TJP3: variants seen among roughly 807,000 people sequenced by gnomAD.
The protein encoded by TJP3 is tight junction protein 3, also known as tight junction protein ZO-3.
A neutral mutation model predicts 104.2 loss-of-function variants in TJP3; 85 were observed. The observed-to-expected ratio is 0.82, with a 90% CI of 0.68 to 0.98. The LOEUF is 0.98. TJP3 is among the 50% of genes least tolerant of loss of function. The probability of loss-of-function intolerance (pLI) is 0.00; values close to 1 mark genes in which losing one functional copy is unlikely to be tolerated. For missense variants in TJP3, 1,367 were observed against 1,322.8 expected, an observed-to-expected ratio of 1.03 and a Z score of -0.52; for synonymous variants, 550 against 550.6, an observed-to-expected ratio of 1.00 and a Z score of 0.02.
At chr19:3,733,609 A>G in intron 6 of TJP3, 144 bp from the exon 7 acceptor site, 4 of 1,104,874 alleles carry the variant, frequency 3.6e-6, no homozygotes, top group Non-Finnish European at 5.3e-6. Flanking sequence ...CAGGAATCCA[A>G]TTCAACACTT....
chr19:3,716,039 G>T (rs958535043), intron 1 of TJP3, among the ~76,000 whole-genome samples: 2 of 149,446 alleles, frequency 1.3e-5, no homozygotes, highest in Non-Finnish European at 3.0e-5. Context: ...TCAGCCTCCC[G>T]AAGTGCTGGG....
intron 3 of TJP3, 71 bp downstream of exon 3, chr19:3,728,784 G>A (rs2036633459): frequency 6.6e-7 from 1 of 1,510,968 alleles, no homozygotes; most frequent in South Asian, 1.2e-5. Flanking sequence ...CAGGCACAGT[G>A]ACTCACACCC....
At chr19:3,709,420 C>G (rs1038663532) in intron 1 of TJP3, among the ~76,000 whole-genome samples, 2 of 152,098 alleles carry the variant, frequency 1.3e-5, no homozygotes, top group African/African-American at 2.4e-5. Context: ...TTTACTCCTC[C>G]GAGCAAAATC....
In TJP3 at chr19:3,741,979, CA is replaced by C. The variant is rs937963121; in HGVS notation, c.1843+1223del. The stretch of plus-strand genomic sequence containing the variant: ...GAGCAAAACTCCGTCTCAAAAAAAA[CA>C]AAAAAACAAAAAAATTTTGGGTTAT... On this transcript the variant is annotated intron_variant, in intron 14 of 20. Transcript: ENST00000541714. 2.6e-5 allele frequency among the ~76,000 whole-genome samples: 4 copies of C among 151,364 alleles called. No homozygotes were observed. In the East Asian group the frequency reaches 7.7e-4, roughly 29 times the overall value.
chr19:3,736,842 C>T (rs2036745543), intron 11 of TJP3, among the ~76,000 whole-genome samples: 2 of 149,550 alleles, frequency 1.3e-5, no homozygotes, highest in Admixed American at 1.3e-4. Context: ...TCCCAAGTAG[C>T]TGAGATTACA....
intron 1 of TJP3, 143 bp from the exon 2 acceptor site, chr19:3,728,281 G>A: frequency 1.6e-6 from 2 of 1,290,318 alleles, no homozygotes; most frequent in South Asian, 1.5e-5. Flanking sequence ...AAAAACCTGA[G>A]GCCCTGAGAG....
At chr19:3,743,193 G>A (rs567366089) in intron 14 of TJP3, among the ~76,000 whole-genome samples, 1 of 152,256 alleles carries the variant, frequency 6.6e-6, no homozygotes, top group Admixed American at 6.5e-5. Context: ...GAACCTGGAA[G>A]GTGAAGGTTG....
intron 2 of TJP3, 57 bp downstream of exon 2, chr19:3,728,537 T>A (rs144859096): frequency 0.033 from 52,176 of 1,597,854 alleles, 1,054 homozygotes; most frequent in Middle Eastern, 0.071. Flanking sequence ...TAGGCCCAGC[T>A]CAATAGAGGG....
intron 1 of TJP3, among the ~76,000 whole-genome samples, chr19:3,716,801 A>ATAT (rs1421328174): frequency 0.023 from 1,850 of 81,860 alleles, 68 homozygotes; most frequent in South Asian, 0.033. Context: ...ATATATATAT[A>ATAT]TTTTTTTTTT....
At chr19:3,747,675 C>A (rs1179354452) in intron 18 of TJP3, 119 bp from the exon 19 acceptor site, 26 of 1,247,218 alleles carry the variant, frequency 2.1e-5, no homozygotes, top group Non-Finnish European at 6.3e-6. Flanking sequence ...TCCACTGAGG[C>A]TCCAGGCTCC....
intron 19 of TJP3, among the ~76,000 whole-genome samples, chr19:3,749,092 C>T (rs370861114): frequency 4.0e-5 from 6 of 151,074 alleles, no homozygotes; most frequent in African/African-American, 7.3e-5. Flanking sequence ...GGCTGGTCTC[C>T]GATTCCTGAC....
chr19:3,738,430 C>T lies in TJP3; in HGVS notation c.1285-125C>T, dbSNP rs534998565. On this transcript the variant is annotated intron_variant, in intron 11 of 20. Coordinates refer to ENST00000541714, the MANE Select transcript of TJP3 (RefSeq NM_001267560.2). ...AGTCGGAAAGCCCTCGGGGAACTGC[C>T]GGGTCCCTTGGCAGCAGCTCTGGAA... The T allele has an allele frequency of 5.8e-4, 444 of 769,836 alleles. 2 individuals carry two copies. Among genetic ancestry groups the T allele is most frequent in the African/African-American group, 5.5e-3 (321 of 58,080 alleles). 47.7% of individuals were successfully genotyped at this position (769,836 alleles called of 1,614,324 possible).
At chr19:3,735,439 T>C (rs2036725906) in intron 8 of TJP3, 127 bp from the exon 9 acceptor site, 13 of 864,344 alleles carry the variant, frequency 1.5e-5, no homozygotes, top group Non-Finnish European at 3.8e-6. Flanking sequence ...CCTCAGGTGA[T>C]CTGCCCACCT....
intron 6 of TJP3, among the ~76,000 whole-genome samples, chr19:3,733,461 C>G (rs1347935797): frequency 6.6e-6 from 1 of 152,220 alleles, no homozygotes; most frequent in Admixed American, 6.5e-5. Context: ...TTCCTAGTAT[C>G]CCCTGAGACA....
rs756049411 is a variant in TJP3, at chr19:3,730,785, A to AT, written c.613+81dup. 73 of 1,430,844 alleles carry AT rather than the reference A, an allele frequency of 5.1e-5. No individual in the cohort carries two copies. The highest frequency in any genetic ancestry group is 6.5e-5 in the Non-Finnish European group (70 of 1,074,000). 88.6% of individuals were successfully genotyped at this position (1,430,844 alleles called of 1,614,324 possible). ...GTCGGATGGGCGACGGTTTCAAGTG[A>AT]TTCTCCTGCCTCAGCCTCCCTGGTG... On this transcript the variant is annotated intron_variant, in intron 5 of 20. Coordinates refer to ENST00000541714, the MANE Select transcript of TJP3 (RefSeq NM_001267560.2). The surrounding 1 kb of genome is among the most constrained non-coding windows in gnomAD (Gnocchi z 7.3).
intron 11 of TJP3, among the ~76,000 whole-genome samples, 190 bp downstream of exon 11, chr19:3,736,511 G>C (rs1274526353): frequency 1.3e-5 from 2 of 152,142 alleles, no homozygotes; most frequent in African/African-American, 2.4e-5. Context: ...TATCTTCCAG[G>C]TCATGACCTC....
chr19:3,715,520 G>A (rs988691044), intron 1 of TJP3, among the ~76,000 whole-genome samples: 3 of 152,160 alleles, frequency 2.0e-5, no homozygotes, highest in African/African-American at 4.8e-5. Flanking sequence ...GGGAGCCATC[G>A]AGTGTTCTTG....
chr19:3,747,932 G>T lies in TJP3; in HGVS notation c.2461G>T (p.Gly821Cys). ...GGGCGGCGCGTACACGGATGGCGAG[G>T]GCTACACAGACGGCGAGGGGGGGCC... ...GEGGAYTDGE[G>C]YTDGEGGPYT... The change falls in exon 19 of 21, where the codon GGC becomes TGC. Residue 821 changes from glycine to cysteine, a missense_variant. Gly to Cys is a radical substitution (Grantham distance 159). Transcript: ENST00000541714. The T allele has an allele frequency of 6.2e-7, 1 of 1,613,214 alleles. No homozygotes were observed. The highest frequency in any genetic ancestry group is 8.5e-7 in the Non-Finnish European group (1 of 1,179,912).
Position 3,734,334 on chromosome 19 carries a change from G to A in TJP3, c.885G>A (p.Ser295=), listed in dbSNP as rs553055182. The change falls in exon 8 of 21, where the codon TCG becomes TCA. Residue 295 remains serine, a synonymous_variant. Transcript: ENST00000541714. ...TGTCCTCTCCCCCTGCAGACATCTC[G>A]GACCTCGCCTCGGAGCTATCGCAGG... is the stretch of plus-strand genomic sequence containing the variant. ...DSDSSPLEDI[S]DLASELSQAP... The A allele has an allele frequency of 1.4e-5, 22 of 1,613,682 alleles. No homozygotes were observed. The highest frequency in any genetic ancestry group is 6.6e-5 in the South Asian group (6 of 91,068).
Sources: gnomAD v4.1 joint callset for allele counts (sites outside exome capture counted in the v4.1 genomes callset) on GRCh38, gnomAD v4.1.1 for gene constraint, Gnocchi (gnomAD v3.1) non-coding constraint, MANE v1.5 for transcripts, NCBI Gene and HGNC (gene_info 2026-07-23, HGNC 2026-07-21) for gene names.